Variants in CHRM2 observed in about 807,000 individuals in gnomAD.
The protein encoded by CHRM2 is muscarinic acetylcholine receptor M2.
Under a neutral mutation model 25.0 loss-of-function variants are expected in CHRM2, and 8 were observed. The ratio of observed to expected loss-of-function variants is 0.32; its 90% CI spans 0.19 to 0.58. The LOEUF (loss-of-function observed/expected upper bound fraction) is 0.58, where lower values mean the gene tolerates loss of function less well. Ranked by LOEUF, CHRM2 falls within the 20% of genes least tolerant of loss-of-function variation. CHRM2 has a pLI of 0.88. For missense variants in CHRM2, 440 were observed against 567.1 expected (o/e 0.78, Z 2.28); for synonymous variants, 202 against 205.7 (o/e 0.98, Z 0.15).
At position 137,015,462 on chromosome 7, in the gene CHRM2, G is replaced by A. The variant is rs769572164; in HGVS notation, c.597G>A (p.Val199=). Residue 199 remains valine (V), a synonymous_variant, in exon 4 of 4, where the codon GTG becomes GTA. Transcript: ENST00000680005. The surrounding 1 kb of genome is among the most constrained non-coding windows in gnomAD (Gnocchi z 5.1). ...CTATTGCAGCCTTCTATTTGCCAGT[G>A]ATCATCATGACTGTGCTATATTGGC... ...GTAIAAFYLP[V]IIMTVLYWHI... is the part of the protein sequence containing the mutation. 11 of 1,613,128 alleles carry A rather than the reference G, an allele frequency of 6.8e-6. No individual in the cohort carries two copies. The Admixed American group carries it at 1.5e-4, about 22-fold the overall frequency.
chr7:137,007,799 A>G (rs1804542816), intron 3 of CHRM2, among the ~76,000 whole-genome samples: 1 of 152,106 alleles, frequency 6.6e-6, no homozygotes, highest in African/African-American at 2.4e-5. Flanking sequence ...CTGCATCAAT[A>G]TCAAAACTGT....
chr7:136,959,352 C>G (rs1800923311), intron 2 of CHRM2, among the ~76,000 whole-genome samples: 2 of 152,172 alleles, frequency 1.3e-5, no homozygotes, highest in Admixed American at 1.3e-4. Context: ...GAGTGGAGGA[C>G]TAACAAGAAA....
rs146328962 is a variant in CHRM2, at chr7:137,015,856, A to T, written c.991A>T (p.Thr331Ser). ...AACATGCATCAGAATTGGCACCAAGACCCCAAAAAGTGACTCATGTACCCC... is the reference window on the plus strand; with the variant it reads ...AACATGCATCAGAATTGGCACCAAGTCCCCAAAAAGTGACTCATGTACCCC... ...KQTCIRIGTK[T>S]PKSDSCTPTN... The change falls in exon 4 of 4, where the codon ACC becomes TCC. Residue 331 changes from threonine (T) to serine (S), a missense_variant. Physicochemically the swap from Thr to Ser is moderately conservative, Grantham distance 58. Transcript: ENST00000680005. This position sits in a 1 kb window ranked among gnomAD's most constrained non-coding sequence, Gnocchi z 5.1. 4.9e-4 allele frequency: 794 copies of T among 1,612,986 alleles called. 11 individuals are homozygous for T. In the East Asian group the frequency reaches 0.013, roughly 26 times the overall value.
At chr7:136,960,954 C>T (rs576448424) in intron 2 of CHRM2, among the ~76,000 whole-genome samples, 32 of 152,072 alleles carry the variant, frequency 2.1e-4, no homozygotes, top group African/African-American at 7.2e-4. Flanking sequence ...GGTGAAACCC[C>T]GTCTCTACTA....
intron 2 of CHRM2, among the ~76,000 whole-genome samples, chr7:136,914,656 C>G (rs982339464): frequency 3.3e-5 from 5 of 151,856 alleles, no homozygotes; most frequent in African/African-American, 1.2e-4. Context: ...TCAAGTGCCA[C>G]CTTGATGATA....
chr7:136,905,179 G>T (rs1010109037), intron 2 of CHRM2, among the ~76,000 whole-genome samples: 28 of 151,660 alleles, frequency 1.8e-4, no homozygotes, highest in African/African-American at 6.8e-4. Flanking sequence ...ATTGCATTTT[G>T]CCCCAATAAT....
intron 2 of CHRM2, chr7:136,902,864 A>G: frequency 3.2e-6 from 1 of 310,362 alleles, no homozygotes. Flanking sequence ...CAGCAACTGC[A>G]GAGCACAGAA....
intron 2 of CHRM2, among the ~76,000 whole-genome samples, chr7:136,968,721 A>AATATATAT (rs57962090): frequency 0.019 from 2,718 of 142,412 alleles, 40 homozygotes; most frequent in African/African-American, 0.031. Flanking sequence ...TATTATCATA[A>AATATATAT]ATATATATAT....
chr7:136,942,448 A>G (rs1378704809), intron 2 of CHRM2, among the ~76,000 whole-genome samples: 1 of 152,138 alleles, frequency 6.6e-6, no homozygotes, highest in East Asian at 1.9e-4. Flanking sequence ...CTAAAACCCA[A>G]TCACAAGCAG....
At chr7:136,904,004 CATG>C (rs763126029) in intron 2 of CHRM2, among the ~76,000 whole-genome samples, 9 of 151,800 alleles carry the variant, frequency 5.9e-5, no homozygotes, top group Non-Finnish European at 8.8e-5. Flanking sequence ...CTTTAATTGT[CATG>C]ATATGTTACT....
intron 2 of CHRM2, among the ~76,000 whole-genome samples, chr7:136,970,796 C>T (rs962851532): frequency 1.3e-5 from 2 of 152,144 alleles, no homozygotes; most frequent in African/African-American, 4.8e-5. Flanking sequence ...CTTTTTGTAA[C>T]TTTGCACAGT....
At chr7:137,000,592 G>GAAGA (rs71176364) in intron 3 of CHRM2, among the ~76,000 whole-genome samples, 4 of 147,684 alleles carry the variant, frequency 2.7e-5, no homozygotes, top group African/African-American at 9.9e-5. Context: ...AGGAAGGAAG[G>GAAGA]GAAAAAAAGC....
intron 3 of CHRM2, among the ~76,000 whole-genome samples, chr7:137,009,618 T>C (rs1023182716): frequency 2.0e-5 from 3 of 152,054 alleles, no homozygotes; most frequent in South Asian, 2.1e-4. Context: ...CAGTAGCAGC[T>C]ACATGACACT....
chr7:136,994,118 C>T (rs1331263135), intron 3 of CHRM2, among the ~76,000 whole-genome samples: 1 of 152,178 alleles, frequency 6.6e-6, no homozygotes, highest in Non-Finnish European at 1.5e-5. Flanking sequence ...ATTGTACCTG[C>T]TCTCATGCTC....
At chr7:136,903,256 C>T (rs1053505480) in intron 2 of CHRM2, 2 of 533,942 alleles carry the variant, frequency 3.7e-6, no homozygotes, top group East Asian at 1.1e-4. Context: ...CTGGAGGACT[C>T]CATGCTGTTG....
At chr7:137,010,801 G>A (rs914887504) in intron 3 of CHRM2, among the ~76,000 whole-genome samples, 6 of 151,826 alleles carry the variant, frequency 4.0e-5, no homozygotes, top group Non-Finnish European at 7.4e-5. Context: ...CCAGTTTACC[G>A]GAAACCAAAT....
intron 2 of CHRM2, among the ~76,000 whole-genome samples, chr7:136,963,484 C>T (rs1801222583): frequency 6.6e-6 from 1 of 151,998 alleles, no homozygotes; most frequent in Non-Finnish European, 1.5e-5. Context: ...TCAGGAAGAA[C>T]GTAATTTACT....
intron 2 of CHRM2, among the ~76,000 whole-genome samples, chr7:136,882,402 C>T (rs1413858785): frequency 1.3e-5 from 2 of 151,396 alleles, no homozygotes; most frequent in South Asian, 2.1e-4. Context: ...CTCCTCCTCC[C>T]CCTCTTCACC....
intron 2 of CHRM2, among the ~76,000 whole-genome samples, chr7:136,971,829 C>T (rs1801795554): frequency 6.6e-6 from 1 of 151,956 alleles, no homozygotes. Context: ...TTAAAAGCAT[C>T]TTGTGTTCCT....
Sources: allele counts gnomAD v4.1 joint callset (sites outside exome capture counted in the v4.1 genomes callset), GRCh38; gene constraint gnomAD v4.1.1; non-coding constraint Gnocchi (gnomAD v3.1); transcripts MANE v1.5; gene names NCBI Gene and HGNC (gene_info 2026-07-23, HGNC 2026-07-21).